ESR1: variants seen among roughly 807,000 people sequenced by gnomAD.
The protein encoded by ESR1 is estrogen receptor 1.
Under a neutral mutation model 52.7 loss-of-function variants are expected in ESR1, and 12 were observed. That is an observed-to-expected ratio of 0.23 (90% CI 0.15 to 0.37). The LOEUF (loss-of-function observed/expected upper bound fraction) is 0.37. Among genes scored for constraint, ESR1 ranks in the 10% least tolerant of loss-of-function variants. The pLI is 1.00. For synonymous variants in ESR1, 305 were observed against 316.8 expected, an observed-to-expected ratio of 0.96 and a Z score of 0.39; for missense variants, 584 against 779.7, an observed-to-expected ratio of 0.75 and a Z score of 2.99.
At chr6:151,927,351 A>T (rs2032914150) in intron 3 of ESR1, among the ~76,000 whole-genome samples, 1 of 152,094 alleles carries the variant, frequency 6.6e-6, no homozygotes, top group African/African-American at 2.4e-5. Context: ...ATAATTCTAG[A>T]CTCAGAATGA....
rs115414381 is a variant in ESR1 at position 151,834,751 on chromosome 6, G to C, written c.453-7846G>C. Among the ~76,000 whole-genome samples, 874 of 152,114 alleles carry C rather than the reference G, an allele frequency of 5.7e-3. 7 individuals are homozygous for C. Among genetic ancestry groups the C allele is most frequent in the African/African-American group, 0.02 (819 of 41,502 alleles). ...AGTGTAAGAGGATGGAAAGTAATAG[G>C]CTCGTTTAGAATGGTGTGAGAAAGC... On this transcript the variant is annotated intron_variant, in intron 1 of 7. Coordinates refer to ENST00000206249, the MANE Select transcript of ESR1 (RefSeq NM_000125.4).
chr6:152,122,495 T>C (rs773750120), intron 6 of ESR1: 1 of 1,614,138 alleles, frequency 6.2e-7, no homozygotes, highest in Non-Finnish European at 8.5e-7. Context: ...CGGGCAAAGT[T>C]GTTGGAGAGG....
chr6:151,683,840 A>G (rs1019609145), intron 1 of ESR1, among the ~76,000 whole-genome samples: 4 of 150,964 alleles, frequency 2.6e-5, no homozygotes, highest in Non-Finnish European at 1.5e-5. Flanking sequence ...CTGGGATTAC[A>G]AGCATGTGCC....
chr6:151,725,205 C>T (rs1781749631), intron 2 of ESR1, among the ~76,000 whole-genome samples: 1 of 152,060 alleles, frequency 6.6e-6, no homozygotes, highest in Non-Finnish European at 1.5e-5. Context: ...ACCTATTATT[C>T]CCCCCAGGGC....
intron 2 of ESR1, among the ~76,000 whole-genome samples, chr6:151,778,820 A>G (rs944892895): frequency 6.6e-6 from 1 of 152,242 alleles, no homozygotes. Flanking sequence ...TGATTAAAAA[A>G]GATACTTTTT....
upstream of ESR1, chr6:151,807,393 C>T (rs1353521373): frequency 3.6e-5 from 7 of 193,792 alleles, no homozygotes; most frequent in Non-Finnish European, 7.5e-5. Context: ...CCCCTGGATC[C>T]GTCTTTCGCG....
At chr6:151,960,382 C>G (rs1013065870) in intron 4 of ESR1, among the ~76,000 whole-genome samples, 1 of 152,092 alleles carries the variant, frequency 6.6e-6, no homozygotes, top group Non-Finnish European at 1.5e-5. Context: ...GACAGCAGTG[C>G]CAGGGCAGGG....
At chr6:151,715,470 C>T (rs1443537299) in intron 2 of ESR1, among the ~76,000 whole-genome samples, 1 of 139,648 alleles carries the variant, frequency 7.2e-6, no homozygotes, top group East Asian at 2.0e-4. Context: ...CTTTCAGGTA[C>T]ATCATCAAAT....
At chr6:152,017,709 G>C (rs35446974) in intron 5 of ESR1, among the ~76,000 whole-genome samples, 2,304 of 152,064 alleles carry the variant, frequency 0.015, 60 homozygotes, top group African/African-American at 0.053. Context: ...AGGAGCAAAA[G>C]TGTTCATCCT....
At chr6:152,022,633 T>C (rs1333527183) in intron 5 of ESR1, among the ~76,000 whole-genome samples, 1 of 151,934 alleles carries the variant, frequency 6.6e-6, no homozygotes, top group Admixed American at 6.6e-5. Context: ...TTTTGAGAAG[T>C]AGAGGTACAA....
chr6:151,745,768 A>T (rs186359777), intron 2 of ESR1, among the ~76,000 whole-genome samples: 3 of 152,268 alleles, frequency 2.0e-5, no homozygotes, highest in Admixed American at 2.0e-4. Flanking sequence ...AACATAAAAT[A>T]TACATTTTAC....
chr6:151,701,985 G>C (rs550176370), exon 2 of ESR1: 1 of 152,328 alleles, frequency 6.6e-6, no homozygotes, highest in South Asian at 2.1e-4. Context: ...ATTTTAATCT[G>C]AACTTTGAAC....
intron 2 of ESR1, among the ~76,000 whole-genome samples, chr6:151,762,550 G>A (rs915338178): frequency 9.9e-5 from 15 of 152,142 alleles, no homozygotes; most frequent in Admixed American, 4.6e-4. Flanking sequence ...TGTGCCACAA[G>A]TTCTCAGTAA....
At chr6:152,027,307 A>T (rs933318032) in intron 5 of ESR1, among the ~76,000 whole-genome samples, 29 of 149,828 alleles carry the variant, frequency 1.9e-4, no homozygotes, top group African/African-American at 7.0e-4. Flanking sequence ...ACATTATTAG[A>T]AGTTATAATA....
intron 1 of ESR1, among the ~76,000 whole-genome samples, chr6:151,831,359 C>T (rs551403681): frequency 1.3e-5 from 2 of 152,220 alleles, no homozygotes; most frequent in South Asian, 4.2e-4. Flanking sequence ...AGGCTGGTCT[C>T]TAACTCTTGG....
chr6:151,853,169 C>CAAAAAAAAAAAAA (rs386408969), intron 2 of ESR1, among the ~76,000 whole-genome samples: 30 of 42,898 alleles, frequency 7.0e-4, no homozygotes, highest in East Asian at 9.3e-4. Context: ...AGACTCGTCT[C>CAAAAAAAAAAAAA]AAAAAAAAAA....
At chr6:151,737,098 T>A (rs1057472143) in intron 2 of ESR1, among the ~76,000 whole-genome samples, 1 of 152,232 alleles carries the variant, frequency 6.6e-6, no homozygotes, top group African/African-American at 2.4e-5. Flanking sequence ...CCCTTTGGTA[T>A]GTTCCCAGAC....
intron 4 of ESR1, among the ~76,000 whole-genome samples, chr6:151,971,537 T>C (rs2347872): frequency 0.86 from 130,155 of 152,056 alleles, 56,021 homozygotes; most frequent in Middle Eastern, 0.93. Context: ...GGAAACAAAA[T>C]AGCCTGCTCC....
chr6:151,808,636 G>C (rs1016082609), intron 1 of ESR1, among the ~76,000 whole-genome samples: 1 of 152,116 alleles, frequency 6.6e-6, no homozygotes, highest in African/African-American at 2.4e-5. Flanking sequence ...CCGAAAGCCC[G>C]GGCTTCCTAA....
Sources: gnomAD v4.1 joint callset for allele counts (sites outside exome capture counted in the v4.1 genomes callset) on GRCh38, gnomAD v4.1.1 for gene constraint, MANE v1.5 for transcripts, NCBI Gene and HGNC (gene_info 2026-07-23, HGNC 2026-07-21) for gene names.